WASF1: variants seen among roughly 807,000 people sequenced by gnomAD.
WASF1 encodes the protein WASP family member 1.
In WASF1, 7 loss-of-function variants were observed where a neutral mutation model predicts 50.5. The ratio of observed to expected loss-of-function variants is 0.14; its 90% CI spans 0.08 to 0.26. The LOEUF is 0.26. WASF1 is among the 10% of genes least tolerant of loss of function. The pLI, the probability that WASF1 is intolerant of heterozygous loss-of-function variation, is 1.00. For synonymous variants in WASF1, 205 were observed against 244.0 expected, an observed-to-expected ratio of 0.84 and a Z score of 1.49; for missense variants, 470 against 694.7, an observed-to-expected ratio of 0.68 and a Z score of 3.64.
At chr6:110,164,399 A>G (rs1458883462) in intron 2 of WASF1, among the ~76,000 whole-genome samples, 1 of 151,720 alleles carries the variant, frequency 6.6e-6, no homozygotes, top group African/African-American at 2.4e-5. Context: ...TCTCACCTCA[A>G]CAAATACTTC....
chr6:110,111,762 C>T (rs1773568717), intron 5 of WASF1, among the ~76,000 whole-genome samples: 2 of 152,136 alleles, frequency 1.3e-5, no homozygotes, highest in South Asian at 4.2e-4. Flanking sequence ...TCAGTGATTG[C>T]TAGGGGTTGA....
chr6:110,128,502 C>A (rs1193893228), intron 3 of WASF1, among the ~76,000 whole-genome samples: 1 of 152,196 alleles, frequency 6.6e-6, no homozygotes, highest in East Asian at 1.9e-4. Context: ...TCATTGGAAT[C>A]TACCAAATCT....
At chr6:110,155,198 C>T (rs1480301825) in intron 3 of WASF1, among the ~76,000 whole-genome samples, 2 of 152,038 alleles carry the variant, frequency 1.3e-5, no homozygotes, top group Non-Finnish European at 2.9e-5. Context: ...AGGGCTCTTA[C>T]TAATTCAGTA....
chr6:110,163,438 A>G (rs1435747505), intron 2 of WASF1, among the ~76,000 whole-genome samples: 1 of 151,518 alleles, frequency 6.6e-6, no homozygotes, highest in African/African-American at 2.4e-5. Flanking sequence ...GTGTTCTCAT[A>G]TGGCAGAAAG....
intron 2 of WASF1, among the ~76,000 whole-genome samples, chr6:110,167,301 T>C (rs981823244): frequency 1.3e-5 from 2 of 149,844 alleles, no homozygotes; most frequent in Admixed American, 6.7e-5. Flanking sequence ...CTTCTACTTA[T>C]TTTTTTTTTC....
chr6:110,122,952 T>C (rs1428508233), intron 4 of WASF1, among the ~76,000 whole-genome samples: 1 of 151,630 alleles, frequency 6.6e-6, no homozygotes. Context: ...CATGACAAAG[T>C]GGGGAAAAAA....
rs187074255 is a variant in WASF1 at position 110,176,018 on chromosome 6, C to A, written c.-127+2580G>T. On this transcript the variant is annotated intron_variant, in intron 2 of 10. Coordinates refer to ENST00000392589, the MANE Select transcript of WASF1 (RefSeq NM_003931.3). ...TTAGTGGGCTGTCTGTGACTCTAAC[C>A]ACTAAGTATACTGTTTCTGAGAAAA... 3.2e-4 allele frequency among the ~76,000 whole-genome samples: 48 copies of A among 151,992 alleles called. No individual in the cohort carries two copies. The Middle Eastern group carries it at 0.014, about 43-fold the overall frequency.
rs1464874720 is a variant in WASF1, at chr6:110,102,236, C to G, written c.894-20G>C. 2 of 1,367,002 alleles carry G rather than the reference C, an allele frequency of 1.5e-6. No homozygotes were observed. The highest frequency in any genetic ancestry group is 3.0e-5 in the African/African-American group (2 of 67,594). The allele number at this position is 1,367,002 out of a possible 1,614,324, so 84.7% of individuals were successfully genotyped here. A position where few individuals can be genotyped will look rare whatever the true frequency, so the allele number is the denominator to read the frequency against. ...GCAGAACTGAAATGACAAAGAGATT[C>G]TAGCAAGTTATTAAAAGAGAAAAGC... On this transcript the variant is annotated intron_variant, in intron 9 of 10. Transcript: ENST00000392589.
intron 3 of WASF1, among the ~76,000 whole-genome samples, chr6:110,143,421 G>A (rs1157813130): frequency 6.6e-6 from 1 of 151,794 alleles, no homozygotes; most frequent in Non-Finnish European, 1.5e-5. Flanking sequence ...GATTCAAAAT[G>A]AGGCATATAT....
intron 3 of WASF1, among the ~76,000 whole-genome samples, chr6:110,139,193 C>T (rs6912231): frequency 0.013 from 1,950 of 152,324 alleles, 48 homozygotes; most frequent in African/African-American, 0.045. Flanking sequence ...GAACAGGTGC[C>T]GGGATCGGGG....
chr6:110,147,928 G>A (rs1192579362), intron 3 of WASF1, among the ~76,000 whole-genome samples: 4 of 152,044 alleles, frequency 2.6e-5, no homozygotes, highest in Non-Finnish European at 4.4e-5. Context: ...TAAATTTTTT[G>A]AAGAGACGAG....
At chr6:110,108,707 T>C (rs1773432288) in intron 5 of WASF1, 26 bp from the exon 6 acceptor site, 1 of 1,591,530 alleles carries the variant, frequency 6.3e-7, no homozygotes, top group Non-Finnish European at 8.6e-7. Flanking sequence ...AGAATTCATT[T>C]TATTTTATTT....
intron 2 of WASF1, among the ~76,000 whole-genome samples, chr6:110,161,186 A>G (rs572602055): frequency 4.6e-5 from 7 of 151,558 alleles, no homozygotes; most frequent in Non-Finnish European, 8.9e-5. Flanking sequence ...TATTTTAAGT[A>G]CCTTTTTACT....
intron 6 of WASF1, among the ~76,000 whole-genome samples, chr6:110,108,114 G>C (rs889167978): frequency 1.5e-5 from 2 of 130,596 alleles, no homozygotes; most frequent in African/African-American, 3.0e-5. Context: ...AGTAAGCCTA[G>C]GTGACAAAGT....
chr6:110,119,889 T>C (rs927021208), intron 4 of WASF1, among the ~76,000 whole-genome samples: 4 of 152,122 alleles, frequency 2.6e-5, no homozygotes, highest in African/African-American at 9.7e-5. Context: ...GTTCAACATA[T>C]GCAAATCAAT....
chr6:110,125,186 T>G (rs1774366927), intron 4 of WASF1, among the ~76,000 whole-genome samples: 1 of 152,208 alleles, frequency 6.6e-6, no homozygotes, highest in South Asian at 2.1e-4. Flanking sequence ...TCCCTCTTCT[T>G]AAATGGAATA....
intron 3 of WASF1, among the ~76,000 whole-genome samples, chr6:110,131,279 T>C: frequency 6.6e-6 from 1 of 152,326 alleles, no homozygotes; most frequent in African/African-American, 2.4e-5. Context: ...CTTAGCTTTG[T>C]TTTTTCTTAT....
chr6:110,138,994 G>A (rs1775095200), intron 3 of WASF1, among the ~76,000 whole-genome samples: 1 of 152,222 alleles, frequency 6.6e-6, no homozygotes, highest in Non-Finnish European at 1.5e-5. Flanking sequence ...TTCATGCTGA[G>A]AGATGCCTTC....
chr6:110,134,030 G>A (rs1440783748), intron 3 of WASF1, among the ~76,000 whole-genome samples: 1 of 152,026 alleles, frequency 6.6e-6, no homozygotes, highest in African/African-American at 2.4e-5. Context: ...GTTGCCCAAG[G>A]TGGAGAGCAG....
Sources: gnomAD v4.1 joint callset for allele counts (sites outside exome capture counted in the v4.1 genomes callset) on GRCh38, gnomAD v4.1.1 for gene constraint, MANE v1.5 for transcripts, NCBI Gene and HGNC (gene_info 2026-07-23, HGNC 2026-07-21) for gene names.